The following AIF1L variants were observed in gnomAD, a reference collection of about 807,000 sequenced individuals.
AIF1L encodes allograft inflammatory factor 1-like.
AIF1L carries 12 observed loss-of-function variants against 20.7 expected under a neutral mutation model. The observed-to-expected ratio is 0.58, with a 90% CI of 0.37 to 0.94. The LOEUF (loss-of-function observed/expected upper bound fraction) is 0.94, where lower values mean the gene tolerates loss of function less well. Ranked by LOEUF, AIF1L falls within the 40% of genes least tolerant of loss-of-function variation. AIF1L has a pLI of 0.01. For missense variants in AIF1L, 173 were observed against 185.3 expected (o/e 0.93, Z 0.39); for synonymous variants, 76 against 65.1 (o/e 1.17, Z -0.81).
chr9:131,118,709 A>G (rs1831068928), intron 5 of AIF1L, among the ~76,000 whole-genome samples: 1 of 151,004 alleles, frequency 6.6e-6, no homozygotes, highest in Non-Finnish European at 1.5e-5. Context: ...ACCACACCCA[A>G]CTAATTTTTG....
chr9:131,106,892 T>G (rs1830764224), intron 2 of AIF1L, among the ~76,000 whole-genome samples: 1 of 152,144 alleles, frequency 6.6e-6, no homozygotes, highest in African/African-American at 2.4e-5. Flanking sequence ...GGTCAGGAAT[T>G]TGAGACCGAA....
chr9:131,103,662 AC>A (rs1830684291), intron 2 of AIF1L, among the ~76,000 whole-genome samples: 1 of 152,160 alleles, frequency 6.6e-6, no homozygotes, highest in South Asian at 2.1e-4. Flanking sequence ...AAACAAACAA[AC>A]AAAAAAATTC....
At chr9:131,118,100 T>A (rs961136721) in intron 5 of AIF1L, among the ~76,000 whole-genome samples, 182 bp downstream of exon 5, 1 of 152,168 alleles carries the variant, frequency 6.6e-6, no homozygotes, top group Non-Finnish European at 1.5e-5. Flanking sequence ...TTGTTTGTTT[T>A]TTTTTCTTTT....
intron 2 of AIF1L, among the ~76,000 whole-genome samples, chr9:131,107,479 G>T (rs1287665682): frequency 6.6e-6 from 1 of 152,216 alleles, no homozygotes; most frequent in African/African-American, 2.4e-5. Context: ...TCTCTCCCCA[G>T]AGGTTCCCAG....
At position 131,120,494 on chromosome 9, in the gene AIF1L, TGGGTCG is replaced by T; in HGVS notation, c.*176_*181del. The T allele has an allele frequency of 1.8e-6, 1 of 570,140 alleles. No homozygotes were observed. The highest frequency in any genetic ancestry group is 2.7e-5 in the South Asian group (1 of 36,780). The allele number at this position is 570,140 out of a possible 1,614,324, so 35.3% of individuals were successfully genotyped here. A position where few individuals can be genotyped will look rare whatever the true frequency, so the allele number is the denominator to read the frequency against. ...CAAATTATCTGCCTTAAAGGGGCTC[TGGGTCG>T]GGGAATCCTGAGCCTTGGGTCCCCT... On this transcript the variant is annotated 3_prime_UTR_variant, in exon 6 of 6. Transcript: ENST00000247291.
At chr9:131,110,806 C>T (rs1830860687) in intron 2 of AIF1L, among the ~76,000 whole-genome samples, 1 of 151,992 alleles carries the variant, frequency 6.6e-6, no homozygotes, top group Non-Finnish European at 1.5e-5. Flanking sequence ...CCTGGCCTCA[C>T]TGGATTTCTA....
intron 2 of AIF1L, chr9:131,102,809 G>C (rs1257429517): frequency 6.8e-6 from 3 of 443,356 alleles, no homozygotes; most frequent in African/African-American, 6.0e-5. Flanking sequence ...CTGCGTCAGA[G>C]GTCCTACGCC....
intron 2 of AIF1L, among the ~76,000 whole-genome samples, chr9:131,108,548 T>A (rs1315509736): frequency 6.6e-6 from 1 of 152,198 alleles, no homozygotes; most frequent in African/African-American, 2.4e-5. Flanking sequence ...CTCATCCTCA[T>A]GTTTTAACTT....
At chr9:131,104,592 G>A (rs1830703985) in intron 2 of AIF1L, among the ~76,000 whole-genome samples, 1 of 152,182 alleles carries the variant, frequency 6.6e-6, no homozygotes, top group Non-Finnish European at 1.5e-5. Flanking sequence ...TACCTGGAAA[G>A]AGGAGAGAGA....
At chr9:131,100,556 C>T (rs911775792) in intron 2 of AIF1L, among the ~76,000 whole-genome samples, 1 of 152,208 alleles carries the variant, frequency 6.6e-6, no homozygotes, top group Non-Finnish European at 1.5e-5. Context: ...CCTCCTGCTG[C>T]GTGTCCACCC....
At chr9:131,119,024 T>C (rs1831074180) in intron 5 of AIF1L, among the ~76,000 whole-genome samples, 1 of 152,210 alleles carries the variant, frequency 6.6e-6, no homozygotes, top group Non-Finnish European at 1.5e-5. Flanking sequence ...ATCTATAAAA[T>C]AGGGGTGATA....
At chr9:131,098,162 T>G (rs1336851683) in intron 2 of AIF1L, 2 of 152,300 alleles carry the variant, frequency 1.3e-5, no homozygotes, top group Non-Finnish European at 2.9e-5. Context: ...ACTGCTTGGA[T>G]GTAGGCAGCC....
intron 2 of AIF1L, among the ~76,000 whole-genome samples, chr9:131,100,907 T>C (rs1830625527): frequency 6.6e-6 from 1 of 152,140 alleles, no homozygotes; most frequent in Non-Finnish European, 1.5e-5. Context: ...TTTCTTTCTT[T>C]CTTTTTTTGA....
chr9:131,099,215 G>T (rs1018008983), intron 2 of AIF1L, among the ~76,000 whole-genome samples: 1 of 152,224 alleles, frequency 6.6e-6, no homozygotes, highest in African/African-American at 2.4e-5. Flanking sequence ...GGGAGTGGAA[G>T]ATACTCCGCC....
At position 131,120,592 on chromosome 9, in the gene AIF1L, G is replaced by A. The variant is rs1328036027; in HGVS notation, c.*270G>A. On this transcript the variant is annotated 3_prime_UTR_variant, in exon 6 of 6. Coordinates refer to ENST00000247291, the MANE Select transcript of AIF1L (RefSeq NM_031426.4). ...GCTGACATCAAACCAAAAACTAGAG[G>A]GGGCAGGGCCAGGGCAGGGAGGCTT... is the stretch of plus-strand genomic sequence containing the variant. The A allele has an allele frequency of 1.0e-5, 4 of 398,728 alleles. No individual in the cohort carries two copies. The highest frequency in any genetic ancestry group is 2.1e-5 in the African/African-American group (1 of 48,564). The allele number at this position is 398,728 out of a possible 1,614,324, so 24.7% of individuals were successfully genotyped here.
At chr9:131,116,203 T>G (rs1831009139) in intron 4 of AIF1L, among the ~76,000 whole-genome samples, 1 of 152,178 alleles carries the variant, frequency 6.6e-6, no homozygotes, top group South Asian at 2.1e-4. Flanking sequence ...TTTCTATTGG[T>G]CAGCCCGGCC....
chr9:131,115,342 C>G (rs1399153456), intron 4 of AIF1L, among the ~76,000 whole-genome samples: 3 of 140,958 alleles, frequency 2.1e-5, no homozygotes, highest in African/African-American at 7.8e-5. Flanking sequence ...CCCAGCTACT[C>G]GGGAGGCTGA....
chr9:131,118,814 C>G (rs747003959), intron 5 of AIF1L, among the ~76,000 whole-genome samples: 2 of 151,822 alleles, frequency 1.3e-5, no homozygotes, highest in Admixed American at 6.6e-5. Context: ...TCCCAAAGTG[C>G]TAGGATTACA....
rs1831049989 is a variant in AIF1L, at chr9:131,117,893, G to T, written c.340G>T (p.Gly114Trp). 1 of 1,612,096 alleles carries T rather than the reference G, an allele frequency of 6.2e-7. No homozygotes were observed. Residue 114 changes from glycine to tryptophan, a missense_variant, in exon 5 of 6, where the codon GGG becomes TGG. Gly to Trp is a radical substitution (Grantham distance 184). Coordinates refer to ENST00000247291, the MANE Select transcript of AIF1L (RefSeq NM_031426.4). ...SYRDFVNMML[G>W]KRSAVLKLVM... ...CCGAGACTTTGTGAACATGATGCTGGGGAAACGGTCGGCTGTCCTCAAGTT... is the reference window on the plus strand; with the variant it reads ...CCGAGACTTTGTGAACATGATGCTGTGGAAACGGTCGGCTGTCCTCAAGTT...
Sources: gnomAD v4.1 joint callset for allele counts (sites outside exome capture counted in the v4.1 genomes callset) on GRCh38, gnomAD v4.1.1 for gene constraint, MANE v1.5 for transcripts, NCBI Gene and HGNC (gene_info 2026-07-23, HGNC 2026-07-21) for gene names.